TMPRSS12: variants seen among roughly 807,000 people sequenced by gnomAD.
TMPRSS12 encodes the protein transmembrane serine protease 12.
TMPRSS12 carries 25 observed loss-of-function variants against 26.0 expected under a neutral mutation model. The ratio of observed to expected loss-of-function variants is 0.96; its 90% CI spans 0.70 to 1.34. The LOEUF (loss-of-function observed/expected upper bound fraction) is 1.34. TMPRSS12 is among the 40% of genes most tolerant of loss of function. The probability of loss-of-function intolerance (pLI) is 0.00; values close to 1 mark genes in which losing one functional copy is unlikely to be tolerated. For synonymous variants in TMPRSS12, 150 were observed against 161.7 expected (o/e 0.93, Z 0.55); for missense variants, 441 against 440.1 (o/e 1.00, Z -0.02).
chr12:50,849,892 C>T (rs1937809097), intron 2 of TMPRSS12, among the ~76,000 whole-genome samples: 1 of 150,496 alleles, frequency 6.6e-6, no homozygotes, highest in Non-Finnish European at 1.5e-5. Flanking sequence ...TTCCCCCATA[C>T]CCCTTTCAGG....
In TMPRSS12 at chr12:50,872,549, G is replaced by A. The variant is rs1249821215; in HGVS notation, c.653-12697G>A. On this transcript the variant is annotated intron_variant, in intron 3 of 4. Coordinates refer to ENST00000398458, the MANE Select transcript of TMPRSS12 (RefSeq NM_182559.3). Reference sequence around the variant, plus strand: ...AAAAAAAAAAAAAAAAAAAGGAACTGTGAAAAAAATATATATATATGCCAT... The same window carrying A: ...AAAAAAAAAAAAAAAAAAAGGAACTATGAAAAAAATATATATATATGCCAT... 1.7e-5 allele frequency among the ~76,000 whole-genome samples: 2 copies of A among 114,414 alleles called. 1 individual carries two copies. Among genetic ancestry groups the A allele is most frequent in the Non-Finnish European group, 3.6e-5 (2 of 55,670 alleles). 75.1% of individuals were successfully genotyped at this position (114,414 alleles called of 152,430 possible).
intron 2 of TMPRSS12, among the ~76,000 whole-genome samples, chr12:50,854,426 C>G (rs1444980818): frequency 6.6e-6 from 1 of 152,146 alleles, no homozygotes; most frequent in African/African-American, 2.4e-5. Flanking sequence ...TATCACCACT[C>G]TTATTCAACA....
At chr12:50,880,095 C>T (rs900344267) in intron 3 of TMPRSS12, among the ~76,000 whole-genome samples, 1 of 152,126 alleles carries the variant, frequency 6.6e-6, no homozygotes, top group African/African-American at 2.4e-5. Flanking sequence ...GCTAATAGTA[C>T]ATGAAAAGCT....
At chr12:50,853,583 A>C (rs867084045) in intron 2 of TMPRSS12, among the ~76,000 whole-genome samples, 4,027 of 144,246 alleles carry the variant, frequency 0.028, 171 homozygotes, top group African/African-American at 0.1. Flanking sequence ...TAGACTAACA[A>C]AAAAAAAAAA....
rs774930906 is a variant in TMPRSS12 at position 50,843,831 on chromosome 12, T to C, written c.188-11T>C. ...TGCTCAGTCCAAATAATATATCATT[T>C]TTATTTTTAGATTGTGGAACAGCAC... On this transcript the variant is annotated splice_polypyrimidine_tract_variant and intron_variant, in intron 1 of 4. Coordinates refer to ENST00000398458, the MANE Select transcript of TMPRSS12 (RefSeq NM_182559.3). 6.5e-7 allele frequency: 1 copy of C among 1,549,426 alleles called. No homozygotes were observed. The highest frequency in any genetic ancestry group is 8.7e-7 in the Non-Finnish European group (1 of 1,146,614).
chr12:50,865,507 A>G (rs1733793077), intron 3 of TMPRSS12, among the ~76,000 whole-genome samples: 1 of 152,212 alleles, frequency 6.6e-6, no homozygotes, highest in African/African-American at 2.4e-5. Context: ...AAAATCTAAT[A>G]TACATCTAAT....
At chr12:50,844,113 C>A in intron 2 of TMPRSS12, 76 bp downstream of exon 2, 1 of 1,309,734 alleles carries the variant, frequency 7.6e-7, no homozygotes, top group South Asian at 1.6e-5. Flanking sequence ...TTAACTTCAG[C>A]CATTTTCAGC....
rs79593807 is a variant in TMPRSS12, at chr12:50,844,767, T to C, written c.383+730T>C. Among the ~76,000 whole-genome samples the C allele has an allele frequency of 3.0e-3, 457 of 152,302 alleles. 6 individuals are homozygous for C. The highest frequency in any genetic ancestry group is 0.023 in the East Asian group (120 of 5,184). ...TCATATGGTCTCTCTCACAATTGCATGAAAACCAGCACTGAAAATAAGTAA... is the reference window on the plus strand; with the variant it reads ...TCATATGGTCTCTCTCACAATTGCACGAAAACCAGCACTGAAAATAAGTAA... On this transcript the variant is annotated intron_variant, in intron 2 of 4. Coordinates refer to ENST00000398458, the MANE Select transcript of TMPRSS12 (RefSeq NM_182559.3).
chr12:50,884,325 C>G (rs1592226288), intron 3 of TMPRSS12, among the ~76,000 whole-genome samples: 1 of 152,144 alleles, frequency 6.6e-6, no homozygotes, highest in South Asian at 2.1e-4. Context: ...ACAAAATATT[C>G]ATTAGTCACA....
At position 50,844,081 on chromosome 12, in the gene TMPRSS12, T is replaced by C. The variant is rs144157156; in HGVS notation, c.383+44T>C. Reference sequence around the variant, plus strand: ...ACTATTTTTATGCTCTTAGGGGATATTTTGAAGTGATAGAGGACCATTTAA... The same window carrying C: ...ACTATTTTTATGCTCTTAGGGGATACTTTGAAGTGATAGAGGACCATTTAA... On this transcript the variant is annotated intron_variant, in intron 2 of 4. Coordinates refer to ENST00000398458, the MANE Select transcript of TMPRSS12 (RefSeq NM_182559.3). 801 of 1,452,388 alleles carry C rather than the reference T, an allele frequency of 5.5e-4. 5 individuals carry two copies. The African/African-American group carries it at 0.01, about 19-fold the overall frequency. The allele number at this position is 1,452,388 out of a possible 1,614,324, so 90.0% of individuals were successfully genotyped here. A position where few individuals can be genotyped will look rare whatever the true frequency, so the allele number is the denominator to read the frequency against.
chr12:50,844,498 G>A (rs1391823118), intron 2 of TMPRSS12, among the ~76,000 whole-genome samples: 1 of 151,616 alleles, frequency 6.6e-6, no homozygotes, highest in Non-Finnish European at 1.5e-5. Flanking sequence ...CTCAGCCCCC[G>A]GAGTAGCTGG....
intron 3 of TMPRSS12, among the ~76,000 whole-genome samples, chr12:50,870,338 T>TA (rs59049023): frequency 0.95 from 142,563 of 149,566 alleles, 68,224 homozygotes; most frequent in Non-Finnish European, 0.99. Context: ...TACACAGAAT[T>TA]AAAAAAAAAA....
intron 2 of TMPRSS12, among the ~76,000 whole-genome samples, chr12:50,847,105 C>T (rs1349116279): frequency 7.5e-6 from 1 of 132,730 alleles, no homozygotes; most frequent in Non-Finnish European, 1.5e-5. Context: ...GTTGCCCAGG[C>T]TGGAGTGCAG....
At chr12:50,850,168 T>C (rs1592216916) in intron 2 of TMPRSS12, among the ~76,000 whole-genome samples, 1 of 152,178 alleles carries the variant, frequency 6.6e-6, no homozygotes, top group African/African-American at 2.4e-5. Flanking sequence ...TAATCCCCAG[T>C]ATTGGAGGTG....
rs917904357 is a variant in TMPRSS12 at position 50,853,534 on chromosome 12, G to A, written c.384-5251G>A. ...ATACAAAAGATCAACAAAACCAAAA[G>A]TTTTTTGAAAGAATAAATAAGATTG... On this transcript the variant is annotated intron_variant, in intron 2 of 4. Transcript: ENST00000398458. 4.3e-5 allele frequency among the ~76,000 whole-genome samples: 5 copies of A among 115,230 alleles called. No homozygotes were observed. The Admixed American group carries it at 4.9e-4, about 11-fold the overall frequency. The allele number at this position is 115,230 out of a possible 152,430, so 75.6% of individuals were successfully genotyped here. A position where few individuals can be genotyped will look rare whatever the true frequency, so the allele number is the denominator to read the frequency against.
intron 2 of TMPRSS12, among the ~76,000 whole-genome samples, chr12:50,850,526 G>C (rs1379700709): frequency 6.6e-6 from 1 of 152,172 alleles, no homozygotes; most frequent in Non-Finnish European, 1.5e-5. Flanking sequence ...GCTGCAGTGA[G>C]CCATGTTCAC....
intron 2 of TMPRSS12, among the ~76,000 whole-genome samples, chr12:50,857,860 G>A (rs1201272118): frequency 1.3e-5 from 2 of 151,646 alleles, no homozygotes; most frequent in African/African-American, 4.8e-5. Context: ...ACAGAGGCTC[G>A]CTCTGTCGCC....
intron 2 of TMPRSS12, among the ~76,000 whole-genome samples, chr12:50,854,035 C>A (rs536056473): frequency 7.2e-5 from 11 of 152,158 alleles, no homozygotes; most frequent in Non-Finnish European, 1.3e-4. Flanking sequence ...AAGAAAATTT[C>A]AGGCCAATAT....
At chr12:50,857,817 C>CGTT (rs547869410) in intron 2 of TMPRSS12, among the ~76,000 whole-genome samples, 971 of 96,848 alleles carry the variant, frequency 0.01, 14 homozygotes, top group African/African-American at 0.032. Flanking sequence ...TCGTTGTTGT[C>CGTT]GTTGTTGTTG....
Sources: gnomAD v4.1 joint callset for allele counts (sites outside exome capture counted in the v4.1 genomes callset) on GRCh38, gnomAD v4.1.1 for gene constraint, MANE v1.5 for transcripts, NCBI Gene and HGNC (gene_info 2026-07-23, HGNC 2026-07-21) for gene names.